The following OSBPL1A variants were observed in gnomAD, a reference collection of about 807,000 sequenced individuals.
OSBPL1A encodes oxysterol-binding protein-related protein 1.
Under a neutral mutation model 137.1 loss-of-function variants are expected in OSBPL1A, and 80 were observed. The observed-to-expected ratio is 0.58, with a 90% CI of 0.49 to 0.70. The LOEUF is 0.70. Among genes scored for constraint, OSBPL1A ranks in the 30% least tolerant of loss-of-function variants. The pLI is 0.00. For missense variants in OSBPL1A, 970 were observed against 1,129.4 expected, an observed-to-expected ratio of 0.86 and a Z score of 2.02; for synonymous variants, 365 against 389.7, an observed-to-expected ratio of 0.94 and a Z score of 0.75.
intron 13 of OSBPL1A, 102 bp downstream of exon 13, chr18:24,311,882 A>C: frequency 7.5e-7 from 1 of 1,340,246 alleles, no homozygotes. Context: ...TATTGTTGTC[A>C]GAAATCATAA....
intron 4 of OSBPL1A, among the ~76,000 whole-genome samples, chr18:24,359,085 G>A (rs2091581982): frequency 6.6e-6 from 1 of 152,108 alleles, no homozygotes; most frequent in South Asian, 2.1e-4. Flanking sequence ...AGGTACAGTG[G>A]CACATGCCTG....
intron 17 of OSBPL1A, among the ~76,000 whole-genome samples, chr18:24,219,129 GA>G (rs111996260): frequency 0.011 from 1,612 of 149,038 alleles, 27 homozygotes; most frequent in African/African-American, 0.034. Context: ...CTCATATCTG[GA>G]AAAAAAAAAT....
At chr18:24,310,857 T>G (rs2090609435) in intron 13 of OSBPL1A, among the ~76,000 whole-genome samples, 1 of 152,194 alleles carries the variant, frequency 6.6e-6, no homozygotes, top group Admixed American at 6.5e-5. Flanking sequence ...TAGCATCGTT[T>G]TATTTTTTTA....
chr18:24,170,570 T>C (rs2086253184), intron 23 of OSBPL1A, 117 bp from the exon 24 acceptor site: 1 of 1,159,186 alleles, frequency 8.6e-7, no homozygotes, highest in African/African-American at 1.5e-5. Flanking sequence ...TGACCCTGCT[T>C]AGCTTCCAAG....
In OSBPL1A at chr18:24,352,807, A is replaced by C. The variant is rs571771928; in HGVS notation, c.283-11149T>G. On this transcript the variant is annotated intron_variant, in intron 4 of 27. Coordinates refer to ENST00000319481, the MANE Select transcript of OSBPL1A (RefSeq NM_080597.4). ...CTTTGACAAACCTGACAAAAACAAG[A>C]AATGGGGAAAGGATTCCCTATTTAA... Among the ~76,000 whole-genome samples, 1,112 of 152,174 alleles carry C rather than the reference A, an allele frequency of 7.3e-3. 18 individuals carry two copies. The highest frequency in any genetic ancestry group is 0.026 in the African/African-American group (1,061 of 41,522).
rs552662100 is a variant in OSBPL1A, at chr18:24,334,222, T to G, written c.480+23A>C. 5.0e-6 allele frequency: 8 copies of G among 1,584,360 alleles called. No individual in the cohort carries two copies. In the African/African-American group the frequency reaches 6.8e-5, roughly 14 times the overall value. ...TAAAGAAAGACTGCTTTTTGTCTTTTGGGGGTTTTTTGTTTGTTTTACCAG... is the reference window on the plus strand; with the variant it reads ...TAAAGAAAGACTGCTTTTTGTCTTTGGGGGGTTTTTTGTTTGTTTTACCAG... On this transcript the variant is annotated intron_variant, in intron 6 of 27. Coordinates refer to ENST00000319481, the MANE Select transcript of OSBPL1A (RefSeq NM_080597.4).
chr18:24,279,698 CAT>C (rs1323668205), intron 15 of OSBPL1A, among the ~76,000 whole-genome samples: 2 of 152,102 alleles, frequency 1.3e-5, no homozygotes, highest in African/African-American at 4.8e-5. Context: ...ACATTGAAAT[CAT>C]AAAAATTAGG....
At chr18:24,313,125 C>T (rs766888528) in intron 12 of OSBPL1A, among the ~76,000 whole-genome samples, 15 of 149,720 alleles carry the variant, frequency 1.0e-4, no homozygotes, top group Non-Finnish European at 4.4e-5. Context: ...GAGGCTCTAT[C>T]TCTAAATAAA....
intron 14 of OSBPL1A, among the ~76,000 whole-genome samples, chr18:24,288,544 G>C (rs545427454): frequency 6.6e-6 from 1 of 152,098 alleles, no homozygotes; most frequent in Non-Finnish European, 1.5e-5. Flanking sequence ...AAGGCAGGCA[G>C]ATCACCTGAG....
chr18:24,384,989 C>A (rs1294679228), intron 1 of OSBPL1A, among the ~76,000 whole-genome samples: 2 of 147,058 alleles, frequency 1.4e-5, no homozygotes, highest in Non-Finnish European at 3.0e-5. Context: ...GAGTCTTGCT[C>A]TGTTGGCCAG....
At chr18:24,181,073 C>CGT in intron 19 of OSBPL1A, 72 bp downstream of exon 19, 1 of 1,508,036 alleles carries the variant, frequency 6.6e-7, no homozygotes, top group Non-Finnish European at 9.0e-7. Context: ...ATTGTGTGAA[C>CGT]GTGTGTGTGT....
Position 24,377,604 on chromosome 18 carries a change from A to C in OSBPL1A, c.-2-69T>G, listed in dbSNP as rs1299663744. The C allele has an allele frequency of 2.1e-6, 3 of 1,417,238 alleles. No homozygotes were observed. The East Asian group carries it at 7.4e-5, about 35-fold the overall frequency. 87.8% of individuals were successfully genotyped at this position (1,417,238 alleles called of 1,614,324 possible). On this transcript the variant is annotated intron_variant, in intron 1 of 27. Coordinates refer to ENST00000319481, the MANE Select transcript of OSBPL1A (RefSeq NM_080597.4). ...ATTAGCTTTTAGATATCACCTGCTA[A>C]TACAGAAAGGGGAAAGAATCCTCAT...
intron 7 of OSBPL1A, chr18:24,321,744 A>C (rs1324975292): frequency 2.1e-6 from 1 of 486,564 alleles, no homozygotes. Flanking sequence ...GTAAGAAAAG[A>C]AAAACAAATA....
At chr18:24,167,653 G>A (rs146120719) in intron 24 of OSBPL1A, among the ~76,000 whole-genome samples, 4 of 152,274 alleles carry the variant, frequency 2.6e-5, no homozygotes, top group African/African-American at 4.8e-5. Context: ...ACTCAGTAAC[G>A]GTGTTAGGAC....
chr18:24,170,313 T>C lies in OSBPL1A; in HGVS notation c.2418+14A>G. The stretch of plus-strand genomic sequence containing the variant: ...TCCAGTTATTCCTTCGATACCACCT[T>C]ACAGGATGTTCACCTGTTTGCTGTT... On this transcript the variant is annotated intron_variant, in intron 24 of 27. Coordinates refer to ENST00000319481, the MANE Select transcript of OSBPL1A (RefSeq NM_080597.4). 1 of 1,614,038 alleles carries C rather than the reference T, an allele frequency of 6.2e-7. No homozygotes were observed. Among genetic ancestry groups the C allele is most frequent in the South Asian group, 1.1e-5 (1 of 91,068 alleles).
At chr18:24,387,525 A>T (rs1404481869) in intron 1 of OSBPL1A, among the ~76,000 whole-genome samples, 1 of 152,150 alleles carries the variant, frequency 6.6e-6, no homozygotes, top group Non-Finnish European at 1.5e-5. Context: ...TTTCAGCTAC[A>T]CTACAAAGAA....
chr18:24,220,887 A>G (rs976353744), intron 17 of OSBPL1A, among the ~76,000 whole-genome samples: 1 of 151,772 alleles, frequency 6.6e-6, no homozygotes, highest in Non-Finnish European at 1.5e-5. Context: ...ATCTTGGCTC[A>G]CTGCAACCTC....
chr18:24,314,019 C>T (rs1339279276), intron 12 of OSBPL1A, among the ~76,000 whole-genome samples: 1 of 152,158 alleles, frequency 6.6e-6, no homozygotes, highest in Non-Finnish European at 1.5e-5. Context: ...GCATGAGAAT[C>T]GCCTGAGCCT....
At chr18:24,289,742 C>G (rs973755418) in intron 14 of OSBPL1A, among the ~76,000 whole-genome samples, 1 of 152,066 alleles carries the variant, frequency 6.6e-6, no homozygotes, top group Middle Eastern at 3.2e-3. Flanking sequence ...AGAACACACC[C>G]TGGAGCCAGG....
Sources: gnomAD v4.1 joint callset for allele counts (sites outside exome capture counted in the v4.1 genomes callset) on GRCh38, gnomAD v4.1.1 for gene constraint, MANE v1.5 for transcripts, NCBI Gene and HGNC (gene_info 2026-07-23, HGNC 2026-07-21) for gene names.